Variants in THUMPD3 observed in about 807,000 individuals in gnomAD.
THUMPD3 encodes the protein tRNA (guanine(6)-N(2))-methyltransferase THUMP3.
Under a neutral mutation model 54.5 loss-of-function variants are expected in THUMPD3, and 44 were observed. That is an observed-to-expected ratio of 0.81 (90% confidence interval 0.63 to 1.04). The LOEUF (loss-of-function observed/expected upper bound fraction) is 1.04, where lower values mean the gene tolerates loss of function less well. Ranked by LOEUF, THUMPD3 falls within the 50% of genes least tolerant of loss-of-function variation. The probability of loss-of-function intolerance (pLI) is 0.00; values close to 1 mark genes in which losing one functional copy is unlikely to be tolerated. For synonymous variants in THUMPD3, 196 were observed against 201.4 expected (o/e 0.97, Z 0.23); for missense variants, 604 against 601.3 (o/e 1.00, Z -0.05).
intron 7 of THUMPD3, chr3:9,381,038 C>T (rs934708590): frequency 6.4e-6 from 1 of 156,484 alleles, no homozygotes; most frequent in African/African-American, 2.4e-5. Context: ...CTCAAGCAAT[C>T]CTCCTGCCTT....
chr3:9,383,177 C>T (rs749032261), intron 7 of THUMPD3, 22 bp from the exon 8 acceptor site: 1 of 1,553,632 alleles, frequency 6.4e-7, no homozygotes, highest in South Asian at 1.1e-5. Context: ...TATGTTGAAG[C>T]ACCTTTCCTT....
intron 1 of THUMPD3, 40 bp from the exon 2 acceptor site, chr3:9,364,976 A>G: frequency 1.4e-6 from 2 of 1,480,890 alleles, no homozygotes; most frequent in Non-Finnish European, 1.8e-6. Context: ...CTGAAATATG[A>G]GATGATAATA....
At chr3:9,368,405 T>C (rs1272522430) in intron 3 of THUMPD3, among the ~76,000 whole-genome samples, 3 of 142,978 alleles carry the variant, frequency 2.1e-5, no homozygotes, top group South Asian at 4.5e-4. Context: ...CTCTGTTGCC[T>C]AGGCTGGAGT....
At chr3:9,365,707 T>C (rs1378371164) in intron 2 of THUMPD3, among the ~76,000 whole-genome samples, 31 of 152,144 alleles carry the variant, frequency 2.0e-4, no homozygotes, top group Non-Finnish European at 4.4e-5. Context: ...TTCTCCTGCC[T>C]CAGCCTCCCC....
intron 4 of THUMPD3, among the ~76,000 whole-genome samples, chr3:9,372,521 A>G (rs2032135503): frequency 6.6e-6 from 1 of 152,062 alleles, no homozygotes; most frequent in South Asian, 2.1e-4. Context: ...TGGAGGTTGC[A>G]GTGAGCCAAG....
rs140751334 is a variant in THUMPD3 at position 9,365,064 on chromosome 3, C to T, written c.-5C>T. The T allele has an allele frequency of 7.8e-5, 125 of 1,612,812 alleles. 1 individual carries two copies. The African/African-American group carries it at 1.3e-3, about 16-fold the overall frequency. ...AGTGTTAGGGATCTTGGAAGCACAGCCAACATGTGTGACATTGAAGAAGCC... is the reference window on the plus strand; with the variant it reads ...AGTGTTAGGGATCTTGGAAGCACAGTCAACATGTGTGACATTGAAGAAGCC... On this transcript the variant is annotated 5_prime_UTR_variant, in exon 2 of 10. Coordinates refer to ENST00000452837, the MANE Select transcript of THUMPD3 (RefSeq NM_001114092.2).
rs751932723 is a variant in THUMPD3 at position 9,371,393 on chromosome 3, C to T, written c.664C>T (p.Pro222Ser). ...TGAAAGCTCAAAAGAAGAAACTGAG[C>T]CTCAAGTGCTGAAGTTTAGAGTCAC... ...TDESSKEETEPQVLKFRVTCN... is the reference protein window; with the variant it reads ...TDESSKEETESQVLKFRVTCN... Residue 222 changes from proline (P) to serine (S), a missense_variant, in exon 4 of 10, where the codon CCT (proline) becomes TCT (serine). Pro to Ser is a moderately conservative substitution (Grantham distance 74). Coordinates refer to ENST00000452837, the MANE Select transcript of THUMPD3 (RefSeq NM_001114092.2). The T allele has an allele frequency of 7.9e-5, 128 of 1,614,014 alleles. No homozygotes were observed. Among genetic ancestry groups the T allele is most frequent in the Non-Finnish European group, 1.0e-4 (118 of 1,180,026 alleles).
chr3:9,379,074 A>T (rs1353601085), intron 6 of THUMPD3, among the ~76,000 whole-genome samples: 2 of 152,180 alleles, frequency 1.3e-5, no homozygotes, highest in African/African-American at 2.4e-5. Context: ...TAAAATTATG[A>T]ATAAATTGAC....
chr3:9,366,400 T>C (rs1219994104), intron 2 of THUMPD3, among the ~76,000 whole-genome samples: 1 of 152,204 alleles, frequency 6.6e-6, no homozygotes, highest in East Asian at 1.9e-4. Flanking sequence ...TGGGATGAAT[T>C]GGTAAGCAAA....
intron 3 of THUMPD3, among the ~76,000 whole-genome samples, chr3:9,367,785 G>A (rs2031680718): frequency 6.6e-6 from 1 of 152,148 alleles, no homozygotes; most frequent in Admixed American, 6.5e-5. Context: ...AGACTTAAGG[G>A]CCTGGCGTGG....
intron 4 of THUMPD3, among the ~76,000 whole-genome samples, chr3:9,372,606 A>G (rs2032145344): frequency 1.3e-5 from 2 of 152,104 alleles, no homozygotes; most frequent in Non-Finnish European, 2.9e-5. Context: ...GCATTTTTTA[A>G]ACAAACCCTG....
intron 4 of THUMPD3, among the ~76,000 whole-genome samples, chr3:9,373,027 G>A (rs546278834): frequency 4.6e-5 from 7 of 152,206 alleles, no homozygotes; most frequent in South Asian, 2.1e-4. Flanking sequence ...CAGGCAGATC[G>A]CTTGAGCCCA....
At chr3:9,383,049 C>G (rs2033041837) in intron 7 of THUMPD3, 150 bp from the exon 8 acceptor site, 1 of 535,498 alleles carries the variant, frequency 1.9e-6, no homozygotes, top group Non-Finnish European at 3.4e-6. Flanking sequence ...TACCTTTGTG[C>G]CATTTCTTAA....
chr3:9,372,252 G>A (rs1444886936), intron 4 of THUMPD3, among the ~76,000 whole-genome samples: 1 of 152,154 alleles, frequency 6.6e-6, no homozygotes, highest in Non-Finnish European at 1.5e-5. Flanking sequence ...TTGTTTTTGT[G>A]TGTCTTGGTT....
Position 9,371,153 on chromosome 3 carries a change from A to G in THUMPD3, c.424A>G (p.Lys142Glu). 1 of 1,611,410 alleles carries G rather than the reference A, an allele frequency of 6.2e-7. No homozygotes were observed. The highest frequency in any genetic ancestry group is 1.3e-5 in the African/African-American group (1 of 74,834). ...GAAAATTAATGCCAGTTTTAAAAAG[A>G]AAAAAGCAAAGCGCAAAAAGATAAA... The part of the protein sequence containing the change: ...VWKINASFKK[K>E]KAKRKKINQN... The change falls in exon 4 of 10, where the codon AAA becomes GAA. Residue 142 changes from lysine to glutamate, a missense_variant. Transcript: ENST00000452837.
chr3:9,369,309 C>CAAAAAAAAAAA (rs779602979), intron 3 of THUMPD3, among the ~76,000 whole-genome samples: 3 of 60,826 alleles, frequency 4.9e-5, no homozygotes, highest in East Asian at 5.8e-4. Context: ...GACTCCGTCT[C>CAAAAAAAAAAA]AAAAAAAAAA....
At chr3:9,365,920 C>T (rs984585088) in intron 2 of THUMPD3, among the ~76,000 whole-genome samples, 2 of 152,102 alleles carry the variant, frequency 1.3e-5, no homozygotes, top group Admixed American at 6.5e-5. Flanking sequence ...TCTGAAAATC[C>T]GAAATGCTGC....
At chr3:9,377,796 A>G (rs781608056) in intron 5 of THUMPD3, 23 bp from the exon 6 acceptor site, 5 of 1,604,644 alleles carry the variant, frequency 3.1e-6, no homozygotes, top group South Asian at 1.1e-5. Context: ...GAGTCTTCAC[A>G]TAGGCTGTTT....
At chr3:9,374,077 A>C (rs1266070468) in intron 4 of THUMPD3, among the ~76,000 whole-genome samples, 1 of 152,092 alleles carries the variant, frequency 6.6e-6, no homozygotes, top group African/African-American at 2.4e-5. Flanking sequence ...GTCAGTACCC[A>C]CTCAAGGCAA....
Sources: gnomAD v4.1 joint callset for allele counts (sites outside exome capture counted in the v4.1 genomes callset) on GRCh38, gnomAD v4.1.1 for gene constraint, MANE v1.5 for transcripts, NCBI Gene and HGNC (gene_info 2026-07-23, HGNC 2026-07-21) for gene names.